WAC: variants seen among roughly 807,000 people sequenced by gnomAD.
WAC encodes WW domain containing adaptor with coiled-coil.
WAC carries 11 observed loss-of-function variants against 79.6 expected under a neutral mutation model. That is an observed-to-expected ratio of 0.14 (90% CI 0.09 to 0.23). The LOEUF is 0.23. Ranked by LOEUF, WAC falls within the 10% of genes least tolerant of loss-of-function variation. The pLI is 1.00. For missense variants in WAC, 728 were observed against 773.5 expected (o/e 0.94, Z 0.70); for synonymous variants, 304 against 276.9 (o/e 1.10, Z -0.97).
intron 7 of WAC, 147 bp from the exon 8 acceptor site, chr10:28,608,039 A>T: frequency 1.2e-6 from 1 of 810,486 alleles, no homozygotes; most frequent in Non-Finnish European, 2.0e-6. Flanking sequence ...GTGAATGTTT[A>T]CTGAGCATCT....
At chr10:28,596,895 C>CTTTTG (rs1335721153) in intron 7 of WAC, among the ~76,000 whole-genome samples, 2 of 152,020 alleles carry the variant, frequency 1.3e-5, no homozygotes, top group Non-Finnish European at 2.9e-5. Context: ...AGTTGGATTT[C>CTTTTG]TTTTGTTTCT....
chr10:28,572,322 G>GT (rs1839016823), intron 3 of WAC, among the ~76,000 whole-genome samples: 1 of 142,000 alleles, frequency 7.0e-6, no homozygotes. Context: ...GGGCAACAGA[G>GT]TGAGACTCTG....
At chr10:28,557,235 A>T (rs1838046808) in intron 3 of WAC, among the ~76,000 whole-genome samples, 2 of 152,170 alleles carry the variant, frequency 1.3e-5, no homozygotes, top group South Asian at 4.1e-4. Context: ...TGTAATATTG[A>T]CTAATAAACT....
chr10:28,553,038 T>C (rs371352604), intron 3 of WAC, among the ~76,000 whole-genome samples: 2 of 152,102 alleles, frequency 1.3e-5, no homozygotes, highest in East Asian at 3.8e-4. Context: ...CTGCCCGAGG[T>C]AGTATTTATG....
intron 10 of WAC, 71 bp from the exon 11 acceptor site, chr10:28,614,496 A>C (rs1418150658): frequency 2.0e-6 from 2 of 990,814 alleles, no homozygotes; most frequent in South Asian, 1.4e-5. Context: ...TTTCAAGACG[A>C]TTACCTAGAT....
chr10:28,564,354 A>G (rs960393386), intron 3 of WAC, among the ~76,000 whole-genome samples: 1 of 152,224 alleles, frequency 6.6e-6, no homozygotes, highest in Non-Finnish European at 1.5e-5. Context: ...GAAGGCAAAA[A>G]TGAGTTTTTG....
intron 4 of WAC, among the ~76,000 whole-genome samples, chr10:28,585,999 A>G (rs539700431): frequency 6.6e-6 from 1 of 152,264 alleles, no homozygotes; most frequent in East Asian, 1.9e-4. Flanking sequence ...AATAGATAAA[A>G]TGTTTTGTGT....
chr10:28,541,348 A>C (rs1837010299), intron 3 of WAC, among the ~76,000 whole-genome samples: 2 of 150,824 alleles, frequency 1.3e-5, no homozygotes, highest in South Asian at 4.2e-4. Flanking sequence ...TATACCAGGC[A>C]CTAGATATAA....
At chr10:28,589,674 T>A (rs1020230623) in intron 4 of WAC, 62 bp from the exon 5 acceptor site, 2 of 1,106,342 alleles carry the variant, frequency 1.8e-6, no homozygotes, top group Non-Finnish European at 2.7e-6. Context: ...TTTGATGTTG[T>A]TGATATTTCA....
rs769755168 is a variant in WAC, at chr10:28,608,278, A to G, written c.1012A>G (p.Thr338Ala). 5.6e-6 allele frequency: 9 copies of G among 1,614,048 alleles called. No homozygotes were observed. The East Asian group carries it at 1.6e-4, about 28-fold the overall frequency. The change falls in exon 8 of 14, where the codon ACA (threonine) becomes GCA (alanine). Residue 338 changes from threonine to alanine, a missense_variant. Around this residue, in one of 3 missense-constraint regions of WAC, gnomAD observed 648 missense variants for 661.5 expected, o/e 0.98. Coordinates refer to ENST00000354911, the MANE Select transcript of WAC (RefSeq NM_016628.5). ...ACTGAACCCCACATCTGCACCTCCA[A>G]CATCTGCTTCAGCGGTCCCTGTTTC... ...SGLNPTSAPP[T>A]SASAVPVSPV...
chr10:28,615,521 T>C (rs1841430936), intron 11 of WAC: 1 of 152,190 alleles, frequency 6.6e-6, no homozygotes, highest in Admixed American at 6.5e-5. Flanking sequence ...CTTTGGGAGA[T>C]TTAGTTTTTG....
Position 28,552,577 on chromosome 10 carries a change from C to T in WAC, c.274+16820C>T, listed in dbSNP as rs539297298. 9.2e-5 allele frequency among the ~76,000 whole-genome samples: 14 copies of T among 152,240 alleles called. No homozygotes were observed. The East Asian group carries it at 2.5e-3, about 27-fold the overall frequency. On this transcript the variant is annotated intron_variant, in intron 3 of 13. Coordinates refer to ENST00000354911, the MANE Select transcript of WAC (RefSeq NM_016628.5). ...GAGAAAGCATCATGTTAAGGAATTA[C>T]ACCAAATAAAATTTAAAACTGAAAA...
chr10:28,556,010 C>T (rs1367983209), intron 3 of WAC, among the ~76,000 whole-genome samples: 2 of 152,170 alleles, frequency 1.3e-5, no homozygotes, highest in Admixed American at 1.3e-4. Flanking sequence ...TAGACATCAC[C>T]TGGGAGATAG....
chr10:28,551,953 A>G (rs1233619729), intron 3 of WAC, among the ~76,000 whole-genome samples: 2 of 151,530 alleles, frequency 1.3e-5, no homozygotes, highest in Non-Finnish European at 1.5e-5. Flanking sequence ...CAGCCTCCCA[A>G]GGAGCTGGGA....
At chr10:28,537,494 A>G (rs1414532847) in intron 3 of WAC, 2 of 152,238 alleles carry the variant, frequency 1.3e-5, no homozygotes, top group Non-Finnish European at 2.9e-5. Flanking sequence ...ACTATGATCC[A>G]GTTTATCCCC....
intron 4 of WAC, among the ~76,000 whole-genome samples, chr10:28,587,651 G>A (rs1188502821): frequency 6.6e-6 from 1 of 152,074 alleles, no homozygotes; most frequent in African/African-American, 2.4e-5. Context: ...ATTGCACATC[G>A]GCATTGTAAA....
chr10:28,563,004 G>A (rs1838381739), intron 3 of WAC, among the ~76,000 whole-genome samples: 1 of 152,152 alleles, frequency 6.6e-6, no homozygotes, highest in African/African-American at 2.4e-5. Flanking sequence ...TGTGTTTTAT[G>A]TTTGAGTAAA....
intron 6 of WAC, among the ~76,000 whole-genome samples, chr10:28,592,838 G>A (rs1487943407): frequency 1.3e-5 from 2 of 152,132 alleles, no homozygotes; most frequent in African/African-American, 2.4e-5. Context: ...TGAAAAATGG[G>A]ATTCTGTGTT....
chr10:28,602,126 T>A (rs1840674801), intron 7 of WAC, among the ~76,000 whole-genome samples: 2 of 152,158 alleles, frequency 1.3e-5, no homozygotes, highest in African/African-American at 4.8e-5. Flanking sequence ...AGGAGGATAT[T>A]TTTCACTCTT....
Sources: gnomAD v4.1 joint callset for allele counts (sites outside exome capture counted in the v4.1 genomes callset) on GRCh38, gnomAD v4.1.1 for gene constraint, gnomAD v4.1.1 regional missense constraint, MANE v1.5 for transcripts, NCBI Gene and HGNC (gene_info 2026-07-23, HGNC 2026-07-21) for gene names.